Variants in TMEM117 observed in about 807,000 individuals in gnomAD.
TMEM117 encodes transmembrane protein 117.
TMEM117 carries 27 observed loss-of-function variants against 52.4 expected under a neutral mutation model. The observed-to-expected ratio is 0.51, with a 90% CI of 0.38 to 0.71. The LOEUF is 0.71. Ranked by LOEUF, TMEM117 falls within the 30% of genes least tolerant of loss-of-function variation. The probability of loss-of-function intolerance (pLI) is 0.00; values close to 1 mark genes in which losing one functional copy is unlikely to be tolerated. For missense variants in TMEM117, 556 were observed against 630.5 expected, an observed-to-expected ratio of 0.88 and a Z score of 1.26; for synonymous variants, 215 against 206.3, an observed-to-expected ratio of 1.04 and a Z score of -0.36.
intron 5 of TMEM117, among the ~76,000 whole-genome samples, chr12:44,237,684 T>C (rs1211457131): frequency 6.6e-6 from 1 of 151,506 alleles, no homozygotes; most frequent in Non-Finnish European, 1.5e-5. Flanking sequence ...ACCACCGCAC[T>C]CCCGCCTGGG....
chr12:43,934,696 A>G (rs1362369098), intron 2 of TMEM117, among the ~76,000 whole-genome samples: 2 of 152,134 alleles, frequency 1.3e-5, no homozygotes, highest in Non-Finnish European at 2.9e-5. Flanking sequence ...TATTCTGTCA[A>G]ATTCAGTGAA....
At chr12:43,915,989 G>T (rs564262372) in intron 2 of TMEM117, among the ~76,000 whole-genome samples, 1 of 152,000 alleles carries the variant, frequency 6.6e-6, no homozygotes, top group Non-Finnish European at 1.5e-5. Flanking sequence ...GACTGCTGTG[G>T]CCATTATGGT....
chr12:44,093,038 T>TG (rs60675039), intron 3 of TMEM117, among the ~76,000 whole-genome samples: 9,166 of 151,928 alleles, frequency 0.06, 357 homozygotes, highest in Middle Eastern at 0.15. Context: ...TAGACTGAAA[T>TG]GGGGGTGGGA....
intron 3 of TMEM117, among the ~76,000 whole-genome samples, chr12:44,123,465 A>T (rs2138145396): frequency 6.6e-6 from 1 of 152,110 alleles, no homozygotes; most frequent in East Asian, 1.9e-4. Context: ...TTCGTCATGA[A>T]ATCTTTGCCC....
chr12:44,345,345 T>A (rs572674985), intron 6 of TMEM117, among the ~76,000 whole-genome samples: 1 of 152,206 alleles, frequency 6.6e-6, no homozygotes, highest in African/African-American at 2.4e-5. Flanking sequence ...TCCTTTATCA[T>A]GTGGAATAGC....
the TMEM117 span, among the ~76,000 whole-genome samples, chr12:43,814,738 CTTTTTTTTTTTTT>C: frequency 2.8e-5 from 3 of 107,632 alleles, no homozygotes; most frequent in African/African-American, 1.1e-4. Flanking sequence ...GGGTTTGAAT[CTTTTTTTTTTTTT>C]TTTTTTTTTT....
chr12:43,897,494 G>A (rs1010102876), intron 2 of TMEM117, among the ~76,000 whole-genome samples: 1 of 150,980 alleles, frequency 6.6e-6, no homozygotes, highest in Admixed American at 6.6e-5. Context: ...TGTATTTTTA[G>A]TAGAGATGGG....
intron 5 of TMEM117, among the ~76,000 whole-genome samples, chr12:44,289,880 A>G (rs1032592840): frequency 6.6e-6 from 1 of 152,096 alleles, no homozygotes; most frequent in African/African-American, 2.4e-5. Context: ...AACACTTGTT[A>G]TCCCTTGTCT....
At chr12:44,281,556 A>G (rs1237276360) in intron 5 of TMEM117, among the ~76,000 whole-genome samples, 2 of 152,166 alleles carry the variant, frequency 1.3e-5, no homozygotes, top group Non-Finnish European at 2.9e-5. Context: ...AATTCATCCT[A>G]TTTAGAAATC....
intron 3 of TMEM117, among the ~76,000 whole-genome samples, chr12:43,996,007 G>C (rs1010643163): frequency 6.6e-6 from 1 of 152,132 alleles, no homozygotes; most frequent in Non-Finnish European, 1.5e-5. Flanking sequence ...TTATGTATGA[G>C]CCTGTCTTAA....
intron 6 of TMEM117, among the ~76,000 whole-genome samples, chr12:44,372,353 G>T (rs538499466): frequency 6.6e-6 from 1 of 152,170 alleles, no homozygotes; most frequent in East Asian, 1.9e-4. Context: ...TAGAAGGAAA[G>T]AAAGCCATGA....
At chr12:44,107,784 C>T (rs80193721) in intron 3 of TMEM117, among the ~76,000 whole-genome samples, 2 of 152,102 alleles carry the variant, frequency 1.3e-5, no homozygotes, top group African/African-American at 4.8e-5. Flanking sequence ...TTTCAGAAAG[C>T]AACTTTGTTT....
At chr12:44,093,340 C>T (rs1348825008) in intron 3 of TMEM117, among the ~76,000 whole-genome samples, 1 of 152,078 alleles carries the variant, frequency 6.6e-6, no homozygotes, top group Non-Finnish European at 1.5e-5. Context: ...TTTCATCAAT[C>T]CCAGTTTGAT....
chr12:43,802,393 G>A, the TMEM117 span: 6 of 1,605,306 alleles, frequency 3.7e-6, no homozygotes, highest in African/African-American at 8.1e-5. Flanking sequence ...TCCAACAGGG[G>A]TAAAACAAAG....
At chr12:43,802,443 T>C in the TMEM117 span, 1 of 1,599,900 alleles carries the variant, frequency 6.3e-7, no homozygotes. Flanking sequence ...AGGCTGACTA[T>C]ATGATCCAAT....
chr12:44,186,520 C>A (rs746912188), intron 4 of TMEM117, among the ~76,000 whole-genome samples: 1 of 152,084 alleles, frequency 6.6e-6, no homozygotes, highest in Non-Finnish European at 1.5e-5. Context: ...TTGTGTCACA[C>A]GTAACCAGTT....
intron 3 of TMEM117, among the ~76,000 whole-genome samples, chr12:44,032,001 A>G (rs993701943): frequency 6.6e-6 from 1 of 152,182 alleles, no homozygotes; most frequent in Non-Finnish European, 1.5e-5. Context: ...TGTGGTAAGT[A>G]AAGAATGCCA....
chr12:44,237,318 T>C (rs559707541), intron 5 of TMEM117, among the ~76,000 whole-genome samples: 4 of 148,942 alleles, frequency 2.7e-5, no homozygotes, highest in Admixed American at 6.7e-5. Context: ...TTCGAATAGG[T>C]TTTTTTTTTA....
chr12:43,929,370 A>G (rs1054226408), intron 2 of TMEM117, among the ~76,000 whole-genome samples: 1 of 152,160 alleles, frequency 6.6e-6, no homozygotes, highest in African/African-American at 2.4e-5. Context: ...GATTACCCTA[A>G]AGAGTAAAAC....
Sources: gnomAD v4.1 joint callset for allele counts (sites outside exome capture counted in the v4.1 genomes callset) on GRCh38, gnomAD v4.1.1 for gene constraint, MANE v1.5 for transcripts, NCBI Gene and HGNC (gene_info 2026-07-23, HGNC 2026-07-21) for gene names.